ADGRG7: variants seen among roughly 807,000 people sequenced by gnomAD.
The protein encoded by ADGRG7 is adhesion G protein-coupled receptor G7.
ADGRG7 carries 82 observed loss-of-function variants against 88.6 expected under a neutral mutation model. That is an observed-to-expected ratio of 0.93 (90% CI 0.77 to 1.11). ADGRG7 has a LOEUF of 1.11. ADGRG7 is among the 50% of genes most tolerant of loss of function. The pLI, the probability that ADGRG7 is intolerant of heterozygous loss-of-function variation, is 0.00. For synonymous variants in ADGRG7, 381 were observed against 345.2 expected (o/e 1.10, Z -1.15); for missense variants, 945 against 953.4 (o/e 0.99, Z 0.12).
At chr3:100,694,039 G>A (rs915756679) in intron 15 of ADGRG7, among the ~76,000 whole-genome samples, 8 of 152,174 alleles carry the variant, frequency 5.3e-5, no homozygotes, top group Admixed American at 4.6e-4. Context: ...GGTGATCGTG[G>A]ACAAACTACT....
intron 15 of ADGRG7, among the ~76,000 whole-genome samples, chr3:100,689,484 A>G (rs1032184429): frequency 3.9e-5 from 6 of 152,140 alleles, no homozygotes; most frequent in Non-Finnish European, 8.8e-5. Context: ...GGTCTTTACA[A>G]TTTGGCATGT....
At chr3:100,666,659 T>C (rs1344439955) in intron 14 of ADGRG7, among the ~76,000 whole-genome samples, 1 of 152,160 alleles carries the variant, frequency 6.6e-6, no homozygotes, top group Non-Finnish European at 1.5e-5. Flanking sequence ...GCCTTCCTCT[T>C]ATACTAATCC....
At chr3:100,638,706 C>T (rs533177048) in intron 6 of ADGRG7, among the ~76,000 whole-genome samples, 1 of 152,192 alleles carries the variant, frequency 6.6e-6, no homozygotes, top group East Asian at 1.9e-4. Flanking sequence ...TTCTGACCAA[C>T]ACTACATTGA....
chr3:100,623,520 T>G (rs1471974269), intron 1 of ADGRG7, among the ~76,000 whole-genome samples: 2 of 152,162 alleles, frequency 1.3e-5, no homozygotes, highest in Non-Finnish European at 2.9e-5. Flanking sequence ...AAATCTGTTC[T>G]TTTTTCCAAT....
At chr3:100,656,142 G>A (rs922867835) in intron 13 of ADGRG7, 147 bp downstream of exon 13, 11 of 514,224 alleles carry the variant, frequency 2.1e-5, no homozygotes, top group South Asian at 1.4e-4. Flanking sequence ...CAAAGAACAC[G>A]TTATATTTTA....
At chr3:100,659,300 C>A (rs1054696600) in intron 13 of ADGRG7, among the ~76,000 whole-genome samples, 1 of 151,230 alleles carries the variant, frequency 6.6e-6, no homozygotes, top group Admixed American at 6.6e-5. Context: ...ATCAGCTGGG[C>A]GTGGTGGCGG....
intron 13 of ADGRG7, among the ~76,000 whole-genome samples, chr3:100,657,626 T>C (rs78330790): frequency 0.018 from 2,773 of 152,336 alleles, 67 homozygotes; most frequent in African/African-American, 0.062. Flanking sequence ...TCTTTCCCTA[T>C]GTTCCATGGC....
chr3:100,661,654 A>G (rs575624244), intron 14 of ADGRG7, among the ~76,000 whole-genome samples: 1 of 152,348 alleles, frequency 6.6e-6, no homozygotes, highest in South Asian at 2.1e-4. Flanking sequence ...CTGCCCTGGC[A>G]TGTTAATGAT....
intron 13 of ADGRG7, among the ~76,000 whole-genome samples, chr3:100,657,278 C>A (rs1051850087): frequency 5.3e-5 from 8 of 152,216 alleles, no homozygotes; most frequent in African/African-American, 1.9e-4. Flanking sequence ...GGCCACATTT[C>A]TTCAGGATAT....
intron 14 of ADGRG7, among the ~76,000 whole-genome samples, chr3:100,662,627 A>G (rs1417335236): frequency 6.6e-6 from 1 of 152,150 alleles, no homozygotes; most frequent in Admixed American, 6.5e-5. Flanking sequence ...AGTTGATTTT[A>G]TCTTGACATT....
intron 1 of ADGRG7, among the ~76,000 whole-genome samples, chr3:100,615,604 CTTAACT>C (rs1290875339): frequency 1.3e-5 from 2 of 152,140 alleles, no homozygotes; most frequent in Non-Finnish European, 2.9e-5. Context: ...CAAATTACTC[CTTAACT>C]TTAAGAAATG....
intron 15 of ADGRG7, among the ~76,000 whole-genome samples, chr3:100,676,657 AT>A: frequency 6.6e-6 from 1 of 151,900 alleles, no homozygotes; most frequent in South Asian, 2.1e-4. Flanking sequence ...TTCTTTGTTG[AT>A]TTTCTGTCTG....
intron 4 of ADGRG7, 111 bp downstream of exon 4, chr3:100,633,488 G>C: frequency 2.1e-6 from 1 of 484,022 alleles, no homozygotes; most frequent in East Asian, 3.5e-5. Context: ...TCTCAAATTA[G>C]TAATAACAAA....
chr3:100,646,222 G>GGGA, intron 9 of ADGRG7, 114 bp downstream of exon 9: 1 of 376,514 alleles, frequency 2.7e-6, no homozygotes, highest in South Asian at 2.2e-5. Flanking sequence ...GAGGGCGGGG[G>GGGA]GGAGGGTTTT....
intron 15 of ADGRG7, among the ~76,000 whole-genome samples, chr3:100,681,517 G>T (rs925245460): frequency 1.3e-5 from 2 of 151,902 alleles, no homozygotes; most frequent in Non-Finnish European, 2.9e-5. Context: ...CACCATGTTG[G>T]CCAGGCTGGT....
At chr3:100,612,246 T>TAA (rs1471529314) in intron 1 of ADGRG7, among the ~76,000 whole-genome samples, 1 of 152,190 alleles carries the variant, frequency 6.6e-6, no homozygotes, top group African/African-American at 2.4e-5. Context: ...CTGCTCTGAG[T>TAA]AAATTTCAGT....
chr3:100,628,451 C>G (rs923730612), intron 1 of ADGRG7, among the ~76,000 whole-genome samples: 1 of 151,926 alleles, frequency 6.6e-6, no homozygotes, highest in Admixed American at 6.6e-5. Context: ...CTCCGCCTCC[C>G]AGGTTCAAGT....
At chr3:100,620,022 A>C (rs140198882) in intron 1 of ADGRG7, among the ~76,000 whole-genome samples, 1 of 152,024 alleles carries the variant, frequency 6.6e-6, no homozygotes, top group South Asian at 2.1e-4. Flanking sequence ...TATTCCAATC[A>C]ATAGAAAAAG....
At chr3:100,669,264 AT>A (rs2094955384) in intron 15 of ADGRG7, among the ~76,000 whole-genome samples, 159 bp downstream of exon 15, 2 of 152,096 alleles carry the variant, frequency 1.3e-5, no homozygotes, top group Non-Finnish European at 2.9e-5. Flanking sequence ...AGGTGGGCGG[AT>A]CACGAGGTCA....
Sources: gnomAD v4.1 joint callset for allele counts (sites outside exome capture counted in the v4.1 genomes callset) on GRCh38, gnomAD v4.1.1 for gene constraint, MANE v1.5 for transcripts, NCBI Gene and HGNC (gene_info 2026-07-23, HGNC 2026-07-21) for gene names.